Variants in KCNH8 observed in about 807,000 individuals in gnomAD.
KCNH8 encodes potassium voltage-gated channel subfamily H member 8.
KCNH8 carries 70 observed loss-of-function variants against 103.6 expected under a neutral mutation model. That is an observed-to-expected ratio of 0.68 (90% CI 0.56 to 0.82). KCNH8 has a LOEUF of 0.82. KCNH8 is among the 40% of genes least tolerant of loss of function. KCNH8 has a pLI of 0.00. For synonymous variants in KCNH8, 498 were observed against 489.4 expected, an observed-to-expected ratio of 1.02 and a Z score of -0.23; for missense variants, 1,217 against 1,329.9, an observed-to-expected ratio of 0.92 and a Z score of 1.32.
At chr3:19,407,970 G>C (rs2125145081) in intron 7 of KCNH8, among the ~76,000 whole-genome samples, 1 of 152,240 alleles carries the variant, frequency 6.6e-6, no homozygotes, top group Middle Eastern at 3.4e-3. Context: ...CAGGGAACCT[G>C]CTGGCAGACT....
chr3:19,478,939 G>A (rs1049435542), intron 11 of KCNH8, among the ~76,000 whole-genome samples: 1 of 152,126 alleles, frequency 6.6e-6, no homozygotes, highest in African/African-American at 2.4e-5. Flanking sequence ...GCGGAGAACT[G>A]CTGGACATAT....
intron 7 of KCNH8, among the ~76,000 whole-genome samples, chr3:19,427,675 G>C (rs1322615650): frequency 6.6e-6 from 1 of 152,090 alleles, no homozygotes; most frequent in Non-Finnish European, 1.5e-5. Context: ...AAGGTCTTAT[G>C]TTACCAAAAT....
intron 11 of KCNH8, among the ~76,000 whole-genome samples, chr3:19,499,019 G>A (rs550644385): frequency 2.0e-5 from 3 of 152,186 alleles, no homozygotes; most frequent in South Asian, 2.1e-4. Flanking sequence ...TCAAATCAAA[G>A]GAAAAGAAGT....
chr3:19,419,923 G>A (rs1000864368), intron 7 of KCNH8, among the ~76,000 whole-genome samples: 1 of 151,988 alleles, frequency 6.6e-6, no homozygotes, highest in Non-Finnish European at 1.5e-5. Context: ...ATTTGCCTTT[G>A]GCTTGACAGC....
intron 7 of KCNH8, among the ~76,000 whole-genome samples, chr3:19,436,159 A>G (rs2067196538): frequency 6.6e-6 from 1 of 152,150 alleles, no homozygotes; most frequent in Non-Finnish European, 1.5e-5. Flanking sequence ...GTATTCATGG[A>G]ATCTATTTTA....
intron 1 of KCNH8, among the ~76,000 whole-genome samples, chr3:19,240,831 T>TC (rs201526212): frequency 2.0e-5 from 3 of 152,026 alleles, no homozygotes; most frequent in Non-Finnish European, 4.4e-5. Context: ...TCCTTTTTTT[T>TC]CCCTCTCCAA....
intron 3 of KCNH8, among the ~76,000 whole-genome samples, chr3:19,326,001 C>T (rs1480165950): frequency 1.3e-5 from 2 of 151,994 alleles, no homozygotes. Context: ...ATACTATGCA[C>T]CCATAAAAAA....
At chr3:19,528,120 G>A (rs370609632) in intron 15 of KCNH8, among the ~76,000 whole-genome samples, 6 of 151,806 alleles carry the variant, frequency 4.0e-5, no homozygotes, top group Non-Finnish European at 5.9e-5. Flanking sequence ...GAGGAAGAGG[G>A]GAAAGTGGAT....
At chr3:19,479,797 C>G (rs2068051994) in intron 11 of KCNH8, among the ~76,000 whole-genome samples, 1 of 152,060 alleles carries the variant, frequency 6.6e-6, no homozygotes, top group Admixed American at 6.6e-5. Flanking sequence ...CATTCATATT[C>G]TCTTTATCCC....
chr3:19,428,651 G>A (rs114474649), intron 7 of KCNH8, among the ~76,000 whole-genome samples: 1,685 of 152,270 alleles, frequency 0.011, 32 homozygotes, highest in African/African-American at 0.038. Flanking sequence ...CCTATGAAGT[G>A]AGTTACTATT....
intron 1 of KCNH8, among the ~76,000 whole-genome samples, chr3:19,212,331 C>T (rs1310599394): frequency 6.6e-6 from 1 of 152,122 alleles, no homozygotes; most frequent in Non-Finnish European, 1.5e-5. Flanking sequence ...GACTCCAAAA[C>T]TTCTATTCTT....
At chr3:19,509,589 T>C (rs554383433) in intron 11 of KCNH8, among the ~76,000 whole-genome samples, 2 of 152,322 alleles carry the variant, frequency 1.3e-5, no homozygotes, top group Non-Finnish European at 2.9e-5. Context: ...ACAAAATGTG[T>C]CCTGAGATTC....
intron 4 of KCNH8, 144 bp from the exon 5 acceptor site, chr3:19,347,581 C>G: frequency 1.1e-6 from 1 of 872,968 alleles, no homozygotes; most frequent in South Asian, 1.7e-5. Flanking sequence ...AGATGCTTTG[C>G]GTCACCAACT....
intron 3 of KCNH8, among the ~76,000 whole-genome samples, chr3:19,298,790 C>T (rs1001077536): frequency 2.0e-5 from 3 of 151,804 alleles, no homozygotes; most frequent in Non-Finnish European, 2.9e-5. Context: ...GGCCTGGTGG[C>T]GGGTGCCTGT....
intron 3 of KCNH8, among the ~76,000 whole-genome samples, chr3:19,319,496 G>A (rs1022256032): frequency 1.3e-5 from 2 of 151,774 alleles, no homozygotes; most frequent in Non-Finnish European, 2.9e-5. Flanking sequence ...TTTATTTCTG[G>A]GTTCTCAATT....
At chr3:19,418,936 C>G (rs1575043536) in intron 7 of KCNH8, among the ~76,000 whole-genome samples, 1 of 152,066 alleles carries the variant, frequency 6.6e-6, no homozygotes, top group Admixed American at 6.5e-5. Flanking sequence ...GGGAATATTT[C>G]CATAACAGGG....
intron 11 of KCNH8, among the ~76,000 whole-genome samples, chr3:19,484,140 TTA>T (rs1292214120): frequency 6.6e-6 from 1 of 152,176 alleles, no homozygotes; most frequent in Non-Finnish European, 1.5e-5. Context: ...CTTGTATTAT[TTA>T]TGAGTCCTCA....
At chr3:19,266,703 T>C (rs1318234240) in intron 2 of KCNH8, among the ~76,000 whole-genome samples, 1 of 152,142 alleles carries the variant, frequency 6.6e-6, no homozygotes, top group Non-Finnish European at 1.5e-5. Flanking sequence ...GCTGTTTCAA[T>C]TGAAGCCCTA....
chr3:19,311,294 A>T (rs2065204465), intron 3 of KCNH8, among the ~76,000 whole-genome samples: 1 of 151,782 alleles, frequency 6.6e-6, no homozygotes, highest in Non-Finnish European at 1.5e-5. Context: ...TGAAATAGGT[A>T]TTCTTATTAA....
Sources: allele counts gnomAD v4.1 joint callset (sites outside exome capture counted in the v4.1 genomes callset), GRCh38; gene constraint gnomAD v4.1.1; transcripts MANE v1.5; gene names NCBI Gene and HGNC (gene_info 2026-07-23, HGNC 2026-07-21).